Variants in USP33 observed in about 807,000 individuals in gnomAD.
The protein encoded by USP33 is ubiquitin carboxyl-terminal hydrolase 33.
USP33 carries 46 observed loss-of-function variants against 124.2 expected under a neutral mutation model. The ratio of observed to expected loss-of-function variants is 0.37; its 90% CI spans 0.29 to 0.47. The LOEUF is 0.47. Among genes scored for constraint, USP33 ranks in the 20% least tolerant of loss-of-function variants. The pLI is 0.99. For missense variants in USP33, 851 were observed against 1,070.6 expected, an observed-to-expected ratio of 0.79 and a Z score of 2.86; for synonymous variants, 350 against 352.3, an observed-to-expected ratio of 0.99 and a Z score of 0.07.
intron 12 of USP33, 104 bp from the exon 13 acceptor site, chr1:77,722,300 AAAAAAAC>A (rs993226815): frequency 9.3e-6 from 11 of 1,184,390 alleles, no homozygotes; most frequent in African/African-American, 4.7e-5. Flanking sequence ...TAAATAAGCA[AAAAAAAC>A]AAAAAACAAA....
intron 12 of USP33, 118 bp from the exon 13 acceptor site, chr1:77,722,314 C>CA (rs112955313): frequency 0.022 from 15,699 of 727,258 alleles, 110 homozygotes; most frequent in African/African-American, 0.032. Context: ...AAACAAAAAA[C>CA]AAAAAAAAAC....
rs145450422 is a variant in USP33 at position 77,722,182 on chromosome 1, G to C, written c.1404C>G (p.Leu468=). Residue 468 remains leucine (L), a synonymous_variant, in exon 13 of 24, where the codon CTC becomes CTG. Coordinates refer to ENST00000370794, the MANE Select transcript of USP33 (RefSeq NM_201624.3). The stretch of plus-strand genomic sequence containing the variant: ...GCAAGGACAGATCTTGAAAGGTCTC[G>C]AGGGTTACAGACACCTAAAATTGTT... The part of the protein sequence containing the change: ...CLTCDRVSVT[L]ETFQDLSLPI... 1.9e-6 allele frequency: 3 copies of C among 1,611,514 alleles called. No individual in the cohort carries two copies. Among genetic ancestry groups the C allele is most frequent in the Non-Finnish European group, 2.5e-6 (3 of 1,179,228 alleles).
At chr1:77,711,644 T>C in intron 21 of USP33, 103 bp downstream of exon 21, 1 of 1,517,154 alleles carries the variant, frequency 6.6e-7, no homozygotes, top group Non-Finnish European at 8.8e-7. Flanking sequence ...TGAAATCTAT[T>C]ACAACTCTTT....
At chr1:77,736,869 A>G (rs1343581640) in intron 5 of USP33, among the ~76,000 whole-genome samples, 1 of 152,104 alleles carries the variant, frequency 6.6e-6, no homozygotes, top group Non-Finnish European at 1.5e-5. Flanking sequence ...CGGCCTCCCA[A>G]AATGCTGGGA....
intron 17 of USP33, among the ~76,000 whole-genome samples, chr1:77,717,174 A>G (rs1436489975): frequency 6.6e-6 from 1 of 151,824 alleles, no homozygotes; most frequent in Non-Finnish European, 1.5e-5. Flanking sequence ...TAGAACACAT[A>G]ATCTTAAAAA....
intron 21 of USP33, 96 bp downstream of exon 21, chr1:77,711,651 C>G: frequency 6.6e-7 from 1 of 1,525,174 alleles, no homozygotes; most frequent in Non-Finnish European, 8.7e-7. Flanking sequence ...TATTACAACT[C>G]TTTCATCTAA....
chr1:77,722,024 C>G lies in USP33; in HGVS notation c.1562G>C (p.Arg521Thr). ...TAATACAAAGAAAATAAATACATAC[C>G]TCTTCACATATTCCATGAAAAAAGC... ...WIAFFMEYVK[R>T]FVVSCVPSWF... The change falls in exon 13 of 24, where the codon AGG (arginine) becomes ACG (threonine). Residue 521 changes from arginine (R) to threonine (T), a missense_variant and splice_region_variant. Arg to Thr is a moderately conservative substitution (Grantham distance 71). Around this residue, in one of 4 missense-constraint regions of USP33, gnomAD observed 281 missense variants for 425.0 expected, o/e 0.66. Coordinates refer to ENST00000370794, the MANE Select transcript of USP33 (RefSeq NM_201624.3). 1 of 1,612,454 alleles carries G rather than the reference C, an allele frequency of 6.2e-7. No individual in the cohort carries two copies. Among genetic ancestry groups the G allele is most frequent in the Non-Finnish European group, 8.5e-7 (1 of 1,179,460 alleles).
chr1:77,727,474 C>T (rs1570796085), intron 10 of USP33, among the ~76,000 whole-genome samples: 1 of 152,198 alleles, frequency 6.6e-6, no homozygotes. Flanking sequence ...ATTAAGGAGC[C>T]TAACACTCCT....
chr1:77,704,078 G>A (rs375134705), intron 21 of USP33, among the ~76,000 whole-genome samples: 39 of 151,494 alleles, frequency 2.6e-4, no homozygotes, highest in East Asian at 1.6e-3. Context: ...TCATGCCACC[G>A]TGCTCCAGCC....
intron 17 of USP33, among the ~76,000 whole-genome samples, chr1:77,717,072 G>T (rs890538686): frequency 6.6e-6 from 1 of 151,500 alleles, no homozygotes; most frequent in Non-Finnish European, 1.5e-5. Flanking sequence ...TCACAATGTC[G>T]GCCAGACTGG....
At chr1:77,715,213 T>G (rs1437217965) in intron 18 of USP33, among the ~76,000 whole-genome samples, 2 of 152,182 alleles carry the variant, frequency 1.3e-5, no homozygotes, top group African/African-American at 4.8e-5. Flanking sequence ...ATCTTTCTTT[T>G]TCTTTTTTTT....
In USP33 at chr1:77,739,305, T is replaced by C. The variant is rs780965050; in HGVS notation, c.311A>G (p.His104Arg). 6 of 1,613,806 alleles carry C rather than the reference T, an allele frequency of 3.7e-6. No homozygotes were observed. Among genetic ancestry groups the C allele is most frequent in the South Asian group, 2.2e-5 (2 of 91,018 alleles). The change falls in exon 5 of 24, where the codon CAT becomes CGT. Residue 104 changes from histidine to arginine, a missense_variant. Physicochemically the swap from His to Arg is conservative, Grantham distance 29. Around this residue, in one of 4 missense-constraint regions of USP33, gnomAD observed 221 missense variants for 302.9 expected, o/e 0.73. Transcript: ENST00000370794. ...RKLGTQPSLP[H>R]VRQPHQIQEN... Reference sequence around the variant, plus strand: ...TTGTATTTGGTGAGGTTGTCTTACATGAGGCAATGAAGGCTGAGTTCCTAA... The same window carrying C: ...TTGTATTTGGTGAGGTTGTCTTACACGAGGCAATGAAGGCTGAGTTCCTAA...
chr1:77,722,416 C>T (rs578019163), intron 12 of USP33: 7 of 448,936 alleles, frequency 1.6e-5, no homozygotes, highest in East Asian at 8.0e-5. Flanking sequence ...GGTATCTTCA[C>T]GTAAGTCCTG....
chr1:77,755,275 C>T (rs974189070), intron 1 of USP33, among the ~76,000 whole-genome samples: 3 of 152,282 alleles, frequency 2.0e-5, no homozygotes, highest in African/African-American at 7.2e-5. Flanking sequence ...AATGCTATCA[C>T]CATATTCAAA....
intron 17 of USP33, 52 bp downstream of exon 17, chr1:77,717,815 T>C (rs1676097440): frequency 1.4e-6 from 2 of 1,469,292 alleles, no homozygotes; most frequent in African/African-American, 1.4e-5. Flanking sequence ...CGCCCAGGCT[T>C]ATTTTAATTT....
intron 6 of USP33, among the ~76,000 whole-genome samples, chr1:77,734,796 C>T (rs1452254894): frequency 1.3e-5 from 2 of 152,112 alleles, no homozygotes; most frequent in Non-Finnish European, 2.9e-5. Flanking sequence ...TAAGCAAACA[C>T]CCTTTTCCTT....
Position 77,722,111 on chromosome 1 carries a change from T to A in USP33, c.1475A>T (p.His492Leu). The A allele has an allele frequency of 6.2e-7, 1 of 1,614,160 alleles. No homozygotes were observed. Among genetic ancestry groups the A allele is most frequent in the Admixed American group, 1.7e-5 (1 of 60,032 alleles). The change falls in exon 13 of 24, where the codon CAT becomes CTT. Residue 492 changes from histidine (H) to leucine (L), a missense_variant. This residue lies in a region of USP33 where 281 missense variants were observed against 425.0 expected (regional missense o/e 0.66). Coordinates refer to ENST00000370794, the MANE Select transcript of USP33 (RefSeq NM_201624.3). The part of the protein sequence containing the change: ...EDLAKLHSSS[H>L]PTSIVKAGSC... ...TCCTGCTTTGACTATAGAAGTTGGA[T>A]GACTTGATGAATGCAGCTTAGCAAG...
intron 22 of USP33, among the ~76,000 whole-genome samples, chr1:77,701,011 T>C (rs911166710): frequency 6.6e-6 from 1 of 152,210 alleles, no homozygotes; most frequent in Non-Finnish European, 1.5e-5. Context: ...TATCAGAATA[T>C]CTTATTTTCA....
At chr1:77,709,735 C>CAA in intron 21 of USP33, among the ~76,000 whole-genome samples, 1 of 150,742 alleles carries the variant, frequency 6.6e-6, no homozygotes, top group East Asian at 2.0e-4. Flanking sequence ...AGTAATCAAT[C>CAA]TATATATAGA....
Sources: allele counts gnomAD v4.1 joint callset (sites outside exome capture counted in the v4.1 genomes callset), GRCh38; gene constraint gnomAD v4.1.1; regional missense constraint gnomAD v4.1.1; transcripts MANE v1.5; gene names NCBI Gene and HGNC (gene_info 2026-07-23, HGNC 2026-07-21).